CCDC183: variants seen among roughly 807,000 people sequenced by gnomAD.
CCDC183 encodes coiled-coil domain-containing protein 183.
Under a neutral mutation model 65.2 loss-of-function variants are expected in CCDC183, and 63 were observed. The observed-to-expected ratio is 0.97, with a 90% CI of 0.79 to 1.19. The LOEUF (loss-of-function observed/expected upper bound fraction) is 1.19. CCDC183 is among the 50% of genes most tolerant of loss of function. The probability of loss-of-function intolerance (pLI) is 0.00; values close to 1 mark genes in which losing one functional copy is unlikely to be tolerated. For synonymous variants in CCDC183, 323 were observed against 276.5 expected (o/e 1.17, Z -1.67); for missense variants, 769 against 689.3 (o/e 1.12, Z -1.30).
At chr9:136,807,467 C>G in intron 13 of CCDC183, 105 bp from the exon 14 acceptor site, 1 of 1,381,848 alleles carries the variant, frequency 7.2e-7, no homozygotes, top group Non-Finnish European at 9.6e-7. Flanking sequence ...GTCCCTGGGG[C>G]AAGGCACCTG....
chr9:136,803,227 G>A lies in CCDC183; in HGVS notation c.666+441G>A, dbSNP rs796746222. 7.7e-4 allele frequency among the ~76,000 whole-genome samples: 68 copies of A among 87,870 alleles called. 6 individuals carry two copies. The highest frequency in any genetic ancestry group is 1.2e-3 in the East Asian group (4 of 3,274). 57.6% of individuals were successfully genotyped at this position (87,870 alleles called of 152,430 possible). A position where few individuals can be genotyped will look rare whatever the true frequency, so the allele number is the denominator to read the frequency against. ...AGGGCCCAGGGCTGGGGGCCCCCCA[G>A]GGCCAGCCCTCTTGGATCTTCGGAT... is the stretch of plus-strand genomic sequence containing the variant. On this transcript the variant is annotated intron_variant, in intron 6 of 13. Transcript: ENST00000338005.
chr9:136,799,920 A>T, intron 3 of CCDC183, 82 bp from the exon 4 acceptor site: 1 of 1,528,118 alleles, frequency 6.5e-7, no homozygotes, highest in Non-Finnish European at 8.8e-7. Flanking sequence ...GGTTGCCACG[A>T]GCCTCCACCC....
In CCDC183 at chr9:136,802,771, C is replaced by T. The variant is rs1301211609; in HGVS notation, c.651C>T (p.Ile217=). 1.9e-6 allele frequency: 3 copies of T among 1,611,866 alleles called. No individual in the cohort carries two copies. The African/African-American group carries it at 4.0e-5, about 22-fold the overall frequency. ...TCATGTCCCAAGATGCCATGATGAT[C>T]ACGGATGAGGTCAAGGTGAGCTCAG... The part of the protein sequence containing the change: ...MKIMSQDAMM[I]TDEVKRNMRQ... The change falls in exon 6 of 14, where the codon ATC becomes ATT. Residue 217 remains isoleucine, a synonymous_variant. Coordinates refer to ENST00000338005, the MANE Select transcript of CCDC183 (RefSeq NM_001039374.5).
intron 1 of CCDC183, among the ~76,000 whole-genome samples, chr9:136,798,534 T>G (rs1588329482): frequency 6.6e-6 from 1 of 152,158 alleles, no homozygotes; most frequent in East Asian, 1.9e-4. Flanking sequence ...TGACCACAGG[T>G]GATCCGCCCA....
Position 136,805,292 on chromosome 9 carries a change from C to T in CCDC183, c.848-65C>T, listed in dbSNP as rs570622692. 237 of 1,349,952 alleles carry T rather than the reference C, an allele frequency of 1.8e-4. 2 individuals are homozygous for T. Among genetic ancestry groups the T allele is most frequent in the East Asian group, 2.4e-4 (10 of 42,180 alleles). The allele number at this position is 1,349,952 out of a possible 1,614,324, so 83.6% of individuals were successfully genotyped here. On this transcript the variant is annotated intron_variant, in intron 8 of 13. Transcript: ENST00000338005. ...GCTGGGCAGGTACAGAGGTGTCTGA[C>T]AGCCTTACACAGAGCCCCTGAGCCA...
At chr9:136,805,325 A>G in intron 8 of CCDC183, 32 bp from the exon 9 acceptor site, 1 of 1,576,560 alleles carries the variant, frequency 6.3e-7, no homozygotes, top group Non-Finnish European at 8.7e-7. Context: ...CCATCCCTGC[A>G]TGCTGACTGC....
At chr9:136,807,173 C>A in intron 13 of CCDC183, 107 bp downstream of exon 13, 1 of 974,294 alleles carries the variant, frequency 1.0e-6, no homozygotes, top group Non-Finnish European at 1.6e-6. Context: ...GACAGCGGGG[C>A]TACAGGGTGC....
At chr9:136,802,899 C>T in intron 6 of CCDC183, 113 bp downstream of exon 6, 1 of 87,020 alleles carries the variant, frequency 1.1e-5, no homozygotes, top group Non-Finnish European at 2.2e-5. Context: ...GGCCAGCCCT[C>T]TTGGATCTTC....
In CCDC183 at chr9:136,800,385, C is replaced by T. The variant is rs1162271175; in HGVS notation, c.439-4C>T. On this transcript the variant is annotated splice_polypyrimidine_tract_variant and splice_region_variant and intron_variant, in intron 4 of 13. Coordinates refer to ENST00000338005, the MANE Select transcript of CCDC183 (RefSeq NM_001039374.5). ...CCTCTCACTGCGCCCTCGGTCCGCCCCAGATCATCCGCCAGCTGGAGAACA... is the reference window on the plus strand; with the variant it reads ...CCTCTCACTGCGCCCTCGGTCCGCCTCAGATCATCCGCCAGCTGGAGAACA... 2.5e-6 allele frequency: 4 copies of T among 1,607,406 alleles called. No homozygotes were observed. Among genetic ancestry groups the T allele is most frequent in the Non-Finnish European group, 3.4e-6 (4 of 1,177,026 alleles).
intron 13 of CCDC183, 184 bp downstream of exon 13, chr9:136,807,250 C>A: frequency 1.5e-6 from 1 of 649,546 alleles, no homozygotes; most frequent in Non-Finnish European, 2.6e-6. Flanking sequence ...AGGCTAAAGC[C>A]ACTGAAATAC....
chr9:136,807,128 GC>G lies in CCDC183; in HGVS notation c.1486+63del. ...GGTGGCTGGAACACAGGTCGGGGTG[GC>G]GCCGGCTCCCATCCCACCGGGACAT... is the stretch of plus-strand genomic sequence containing the variant. On this transcript the variant is annotated intron_variant, in intron 13 of 13. Coordinates refer to ENST00000338005, the MANE Select transcript of CCDC183 (RefSeq NM_001039374.5). 23 of 1,507,700 alleles carry G rather than the reference GC, an allele frequency of 1.5e-5. No homozygotes were observed. In the South Asian group the frequency reaches 1.6e-4, roughly 10 times the overall value. The allele number at this position is 1,507,700 out of a possible 1,614,324, so 93.4% of individuals were successfully genotyped here.
chr9:136,799,635 TG>T, intron 2 of CCDC183, 77 bp from the exon 3 acceptor site: 2 of 1,265,064 alleles, frequency 1.6e-6, no homozygotes, highest in Non-Finnish European at 2.3e-6. Flanking sequence ...CAAGAGGCCC[TG>T]GGGAGAATGC....
At position 136,807,609 on chromosome 9, in the gene CCDC183, C is replaced by A. The variant is rs1235768075; in HGVS notation, c.1524C>A (p.Val508=). The part of the protein sequence containing the change: ...FQFPDMDHSY[V]PSRAEIKRQA... ...TCCCCGACATGGACCACAGCTACGT[C>A]CCTTCGCGCGCCGAGATCAAGAGGC... The change falls in exon 14 of 14, where the codon GTC becomes GTA. Residue 508 remains valine (V), a synonymous_variant. Coordinates refer to ENST00000338005, the MANE Select transcript of CCDC183 (RefSeq NM_001039374.5). 6 of 1,605,846 alleles carry A rather than the reference C, an allele frequency of 3.7e-6. No homozygotes were observed. Among genetic ancestry groups the A allele is most frequent in the Non-Finnish European group, 4.2e-6 (5 of 1,176,716 alleles).
Position 136,802,711 on chromosome 9 carries a change from G to A in CCDC183, c.591G>A (p.Val197=), listed in dbSNP as rs1406133591. 3 of 1,613,400 alleles carry A rather than the reference G, an allele frequency of 1.9e-6. No individual in the cohort carries two copies. In the East Asian group the frequency reaches 6.7e-5, roughly 36 times the overall value. ...PIELDKLQNL[V]VNYCSELSDM... ...AGCTGGACAAGCTGCAGAACCTCGT[G>A]GTCAACTACTGCTCAGAGCTGTCGG... is the stretch of plus-strand genomic sequence containing the variant. The change falls in exon 6 of 14, where the codon GTG becomes GTA. Residue 197 remains valine, a synonymous_variant. Coordinates refer to ENST00000338005, the MANE Select transcript of CCDC183 (RefSeq NM_001039374.5).
chr9:136,802,424 ACT>A (rs1303937696), intron 5 of CCDC183, among the ~76,000 whole-genome samples: 9 of 151,820 alleles, frequency 5.9e-5, no homozygotes, highest in African/African-American at 1.7e-4. Context: ...TTCATCACAA[ACT>A]CTCTCAGTCT....
intron 9 of CCDC183, 59 bp downstream of exon 9, chr9:136,805,516 G>A: frequency 6.8e-7 from 1 of 1,466,008 alleles, no homozygotes; most frequent in South Asian, 1.2e-5. Context: ...CTCACGTCTG[G>A]GTAATGCTCC....
At chr9:136,807,160 A>T in intron 13 of CCDC183, 94 bp downstream of exon 13, 5 of 1,145,182 alleles carry the variant, frequency 4.4e-6, no homozygotes, top group African/African-American at 1.5e-5. Flanking sequence ...GACATCCTGG[A>T]GGGACAGCGG....
At chr9:136,801,378 C>A (rs1333494363) in intron 5 of CCDC183, among the ~76,000 whole-genome samples, 6 of 151,594 alleles carry the variant, frequency 4.0e-5, no homozygotes, top group Non-Finnish European at 7.4e-5. Flanking sequence ...TCTGGTAGCG[C>A]CTTCTTCTGT....
rs191696565 is a variant in CCDC183 at position 136,805,387 on chromosome 9, T to C, written c.878T>C (p.Met293Thr). The C allele has an allele frequency of 8.8e-5, 142 of 1,613,824 alleles. 2 individuals carry two copies. The East Asian group carries it at 2.7e-3, about 30-fold the overall frequency. The change falls in exon 9 of 14, where the codon ATG becomes ACG. Residue 293 changes from methionine to threonine, a missense_variant. Physicochemically the swap from Met to Thr is moderately conservative, Grantham distance 81. Coordinates refer to ENST00000338005, the MANE Select transcript of CCDC183 (RefSeq NM_001039374.5). ...AGAAAAGAGACCTCCACAGCAGAAA[T>C]GGAATACCAGTCGGGCGTGACTGCT... ...LRRKETSTAEMEYQSGVTAVV... is the reference protein window; with the variant it reads ...LRRKETSTAETEYQSGVTAVV...
Sources: gnomAD v4.1 joint callset for allele counts (sites outside exome capture counted in the v4.1 genomes callset) on GRCh38, gnomAD v4.1.1 for gene constraint, MANE v1.5 for transcripts, NCBI Gene and HGNC (gene_info 2026-07-23, HGNC 2026-07-21) for gene names.